SRL: variants seen among roughly 807,000 people sequenced by gnomAD.
The protein encoded by SRL is sarcalumenin.
A neutral mutation model predicts 39.5 loss-of-function variants in SRL; 23 were observed. That is an observed-to-expected ratio of 0.58 (90% CI 0.42 to 0.82). The LOEUF is 0.82. SRL is among the 40% of genes least tolerant of loss of function. The pLI, the probability that SRL is intolerant of heterozygous loss-of-function variation, is 0.00. For synonymous variants in SRL, 272 were observed against 237.4 expected (o/e 1.15, Z -1.34); for missense variants, 592 against 607.8 (o/e 0.97, Z 0.27).
chr16:4,203,072 C>T, intron 3 of SRL, 94 bp downstream of exon 3: 1 of 1,083,696 alleles, frequency 9.2e-7, no homozygotes. Flanking sequence ...TGTGTGGGTA[C>T]CGGGAGAGTC....
At chr16:4,230,468 C>T (rs771326337) in intron 1 of SRL, among the ~76,000 whole-genome samples, 4 of 151,644 alleles carry the variant, frequency 2.6e-5, no homozygotes, top group Non-Finnish European at 5.9e-5. Context: ...GCAACCTCCA[C>T]CTCCCGGGTT....
intron 1 of SRL, among the ~76,000 whole-genome samples, chr16:4,220,791 C>G: frequency 6.6e-6 from 1 of 152,018 alleles, no homozygotes; most frequent in East Asian, 1.9e-4. Flanking sequence ...GAGTTCAAGA[C>G]CAGCCTAGGC....
In SRL at chr16:4,197,801, G is replaced by C; in HGVS notation, c.374C>G (p.Thr125Arg). 1.9e-6 allele frequency: 3 copies of C among 1,581,996 alleles called. No homozygotes were observed. Among genetic ancestry groups the C allele is most frequent in the Non-Finnish European group, 2.6e-6 (3 of 1,150,766 alleles). Reference protein sequence around the residue: ...GLENTRYQLYTGAEPTTSEFT... With the variant: ...GLENTRYQLYRGAEPTTSEFT... ...AATCACACAAGAATATTGATTACCT[G>C]TATAGAGCTGATAGCGAGTATTTTC... The change falls in exon 4 of 6, where the codon ACA (threonine) becomes AGA (arginine). Residue 125 changes from threonine (T) to arginine (R), a missense_variant and splice_region_variant. Coordinates refer to ENST00000399609, the MANE Select transcript of SRL (RefSeq NM_001098814.2).
chr16:4,204,494 G>T, intron 2 of SRL, 39 bp downstream of exon 2: 4 of 1,518,338 alleles, frequency 2.6e-6, no homozygotes, highest in Non-Finnish European at 2.7e-6. Context: ...TGGTGGCCGG[G>T]CTCTCCCAGC....
At chr16:4,221,053 A>ATT (rs113277798) in intron 1 of SRL, among the ~76,000 whole-genome samples, 17 of 145,388 alleles carry the variant, frequency 1.2e-4, no homozygotes, top group Non-Finnish European at 1.7e-4. Context: ...CTATTCCATT[A>ATT]TTTTTTTTTT....
At chr16:4,238,875 G>T (rs2052742116) in intron 1 of SRL, among the ~76,000 whole-genome samples, 1 of 151,762 alleles carries the variant, frequency 6.6e-6, no homozygotes, top group Admixed American at 6.6e-5. Context: ...CCCACCTTGG[G>T]TTCCCAAAGC....
intron 2 of SRL, 127 bp downstream of exon 2, chr16:4,204,405 AT>A (rs1201377167): frequency 3.4e-5 from 2 of 58,374 alleles, no homozygotes; most frequent in African/African-American, 2.5e-3. Flanking sequence ...AGCCTCCAAG[AT>A]AGATACAGCC....
rs374306173 is a variant in SRL, at chr16:4,192,350, G to A, written c.1225C>T (p.Pro409Ser). The A allele has an allele frequency of 1.2e-6, 2 of 1,614,200 alleles. No individual in the cohort carries two copies. The highest frequency in any genetic ancestry group is 2.2e-5 in the East Asian group (1 of 44,882). ...GAGAGCAGTTTGAAACTGGAAATGG[G>A]ATTGATGCCGAAGAAGTCCTTATAG... ...EAYKDFFGINPISSFKLLSQQ... is the reference protein window; with the variant it reads ...EAYKDFFGINSISSFKLLSQQ... Residue 409 changes from proline to serine, a missense_variant, in exon 6 of 6, where the codon CCC becomes TCC. By Grantham distance (74) the Pro-to-Ser change is moderately conservative. Coordinates refer to ENST00000399609, the MANE Select transcript of SRL (RefSeq NM_001098814.2). The surrounding 1 kb of genome is among the most constrained non-coding windows in gnomAD (Gnocchi z 4.0).
chr16:4,199,763 C>T (rs2052200224), intron 3 of SRL, among the ~76,000 whole-genome samples: 2 of 133,098 alleles, frequency 1.5e-5, no homozygotes, highest in Admixed American at 1.8e-4. Context: ...GTGGCACAAT[C>T]TCAGCTCACT....
At chr16:4,208,607 T>C (rs545821934) in intron 1 of SRL, among the ~76,000 whole-genome samples, 1 of 152,330 alleles carries the variant, frequency 6.6e-6, no homozygotes, top group Non-Finnish European at 1.5e-5. Flanking sequence ...AGGCTTTTAA[T>C]ACTGCTCTCA....
At chr16:4,211,059 C>T (rs969325329) in intron 1 of SRL, among the ~76,000 whole-genome samples, 1 of 152,162 alleles carries the variant, frequency 6.6e-6, no homozygotes, top group African/African-American at 2.4e-5. Flanking sequence ...CAGCGACTCT[C>T]AGCATTGGCT....
intron 1 of SRL, among the ~76,000 whole-genome samples, chr16:4,226,484 T>C (rs982087209): frequency 7.5e-5 from 11 of 147,092 alleles, no homozygotes; most frequent in Non-Finnish European, 1.0e-4. Context: ...GATGAATGGG[T>C]AGGTGGGTGG....
intron 1 of SRL, among the ~76,000 whole-genome samples, chr16:4,212,218 G>A (rs2052402182): frequency 1.3e-5 from 2 of 152,164 alleles, no homozygotes; most frequent in Non-Finnish European, 2.9e-5. Context: ...ACAATTTGGA[G>A]TAAAAAGGAC....
At chr16:4,216,519 G>A (rs908607684) in intron 1 of SRL, among the ~76,000 whole-genome samples, 3 of 152,136 alleles carry the variant, frequency 2.0e-5, no homozygotes, top group Non-Finnish European at 4.4e-5. Context: ...TGATCCACCC[G>A]CCTCAAGTTC....
chr16:4,213,101 GC>G (rs1332798484), intron 1 of SRL, among the ~76,000 whole-genome samples: 1 of 152,076 alleles, frequency 6.6e-6, no homozygotes, highest in African/African-American at 2.4e-5. Flanking sequence ...AGTTCTTTTT[GC>G]CCCCATGGAG....
intron 1 of SRL, among the ~76,000 whole-genome samples, chr16:4,235,473 A>G (rs903324352): frequency 6.6e-6 from 1 of 152,320 alleles, no homozygotes; most frequent in South Asian, 2.1e-4. Context: ...AGGCAGGAGA[A>G]TCACTTGAGC....
intron 1 of SRL, among the ~76,000 whole-genome samples, chr16:4,222,150 G>C (rs2052537750): frequency 6.6e-6 from 1 of 152,050 alleles, no homozygotes; most frequent in Non-Finnish European, 1.5e-5. Flanking sequence ...CCCCAGCCTG[G>C]CCCCTCGCTA....
chr16:4,192,488 C>T lies in SRL; in HGVS notation c.1087G>A (p.Asp363Asn). ...ATGTCCTTAAAGACCAGTTCTCCAT[C>T]ACTGAAGAAGGTCATTTTGTCCTTG... ...TYKDKMTFFSDGELVFKDIVE... is the reference protein window; with the variant it reads ...TYKDKMTFFSNGELVFKDIVE... Residue 363 changes from aspartate (D) to asparagine (N), a missense_variant, in exon 6 of 6, where the codon GAT becomes AAT. By Grantham distance (23) the Asp-to-Asn change is conservative. Coordinates refer to ENST00000399609, the MANE Select transcript of SRL (RefSeq NM_001098814.2). The surrounding 1 kb of genome is among the most constrained non-coding windows in gnomAD (Gnocchi z 4.0). 6.2e-7 allele frequency: 1 copy of T among 1,614,214 alleles called. No individual in the cohort carries two copies. Among genetic ancestry groups the T allele is most frequent in the Non-Finnish European group, 8.5e-7 (1 of 1,180,046 alleles).
chr16:4,226,226 C>T (rs1467221171), intron 1 of SRL, among the ~76,000 whole-genome samples: 1 of 152,200 alleles, frequency 6.6e-6, no homozygotes, highest in Non-Finnish European at 1.5e-5. Context: ...TACTCAGTTT[C>T]CTGTCTGTCA....
Sources: gnomAD v4.1 joint callset for allele counts (sites outside exome capture counted in the v4.1 genomes callset) on GRCh38, gnomAD v4.1.1 for gene constraint, Gnocchi (gnomAD v3.1) non-coding constraint, MANE v1.5 for transcripts, NCBI Gene and HGNC (gene_info 2026-07-23, HGNC 2026-07-21) for gene names.